SLIT2: variants seen among roughly 807,000 people sequenced by gnomAD.
The protein encoded by SLIT2 is slit guidance ligand 2.
In SLIT2, 41 loss-of-function variants were observed where a neutral mutation model predicts 185.7. That is an observed-to-expected ratio of 0.22 (90% CI 0.17 to 0.29). SLIT2 has a LOEUF of 0.29. Ranked by LOEUF, SLIT2 falls within the 10% of genes least tolerant of loss-of-function variation. The pLI is 1.00. For missense variants in SLIT2, 1,571 were observed against 1,909.0 expected (o/e 0.82, Z 3.30); for synonymous variants, 693 against 680.2 (o/e 1.02, Z -0.29).
Position 20,491,809 on chromosome 4 carries a change from C to T in SLIT2, c.824C>T (p.Ala275Val). The T allele has an allele frequency of 6.2e-7, 1 of 1,613,786 alleles. No homozygotes were observed. The highest frequency in any genetic ancestry group is 8.5e-7 in the Non-Finnish European group (1 of 1,179,754). The stretch of plus-strand genomic sequence containing the variant: ...TCTTGTAGTGTTTTGCACTGCCCTG[C>T]CGCCTGTACCTGTAGCAACAATATC... ...APSCSVLHCP[A>V]ACTCSNNIVD... Residue 275 changes from alanine to valine, a missense_variant, in exon 9 of 37, where the codon GCC (alanine) becomes GTC (valine). Physicochemically the swap from Ala to Val is moderately conservative, Grantham distance 64. Transcript: ENST00000504154.
chr4:20,366,864 C>T (rs529743540), intron 4 of SLIT2, among the ~76,000 whole-genome samples: 4 of 152,088 alleles, frequency 2.6e-5, no homozygotes, highest in East Asian at 1.9e-4. Context: ...GTGCTATGAT[C>T]GCAGCTCACT....
intron 31 of SLIT2, 112 bp downstream of exon 31, chr4:20,595,946 T>C: frequency 2.2e-6 from 2 of 914,260 alleles, no homozygotes; most frequent in Non-Finnish European, 1.6e-6. Context: ...AGAGTATAAC[T>C]GGATTGTTTG....
chr4:20,440,530 A>G (rs1332283514), intron 4 of SLIT2, among the ~76,000 whole-genome samples: 1 of 150,880 alleles, frequency 6.6e-6, no homozygotes, highest in African/African-American at 2.4e-5. Flanking sequence ...ATACGGCCCT[A>G]AAAAAAAAGC....
intron 4 of SLIT2, among the ~76,000 whole-genome samples, chr4:20,416,069 A>T (rs1197410782): frequency 6.6e-6 from 1 of 152,162 alleles, no homozygotes; most frequent in Non-Finnish European, 1.5e-5. Context: ...TATGTGTATA[A>T]ATCTTTGGAA....
chr4:20,404,569 A>G (rs1050543300), intron 4 of SLIT2, among the ~76,000 whole-genome samples: 3 of 151,964 alleles, frequency 2.0e-5, no homozygotes, highest in African/African-American at 7.2e-5. Flanking sequence ...TGTATTTCCT[A>G]ATAATCCAGT....
chr4:20,520,105 G>A (rs1337000308), intron 12 of SLIT2, among the ~76,000 whole-genome samples: 1 of 150,928 alleles, frequency 6.6e-6, no homozygotes, highest in Non-Finnish European at 1.5e-5. Flanking sequence ...ATCTGCAGGA[G>A]CGACAGTGCT....
intron 4 of SLIT2, among the ~76,000 whole-genome samples, chr4:20,446,368 A>G (rs1236131479): frequency 6.6e-6 from 1 of 152,206 alleles, no homozygotes; most frequent in Non-Finnish European, 1.5e-5. Flanking sequence ...ACTTCCACAT[A>G]AAAATGGGGA....
intron 4 of SLIT2, among the ~76,000 whole-genome samples, chr4:20,455,897 C>A (rs1713010985): frequency 1.3e-5 from 2 of 152,000 alleles, no homozygotes; most frequent in Admixed American, 1.3e-4. Context: ...TTTATGAAGT[C>A]TTTATTTCTA....
chr4:20,522,528 G>C (rs576694042), intron 12 of SLIT2, among the ~76,000 whole-genome samples: 19 of 152,228 alleles, frequency 1.2e-4, no homozygotes, highest in African/African-American at 4.6e-4. Context: ...ACTCTGTTGG[G>C]TGAAAGTTGA....
At chr4:20,544,151 T>C (rs1285494261) in intron 21 of SLIT2, among the ~76,000 whole-genome samples, 1 of 152,060 alleles carries the variant, frequency 6.6e-6, no homozygotes, top group Non-Finnish European at 1.5e-5. Context: ...TGTGCACATG[T>C]ACCCTAGAAT....
At chr4:20,260,199 T>C (rs930623994) in intron 3 of SLIT2, among the ~76,000 whole-genome samples, 22 of 151,816 alleles carry the variant, frequency 1.4e-4, no homozygotes, top group Admixed American at 1.2e-3. Flanking sequence ...GTGGTATATA[T>C]CTTTATTTTA....
intron 34 of SLIT2, among the ~76,000 whole-genome samples, chr4:20,614,388 C>T (rs765748884): frequency 9.9e-5 from 15 of 152,056 alleles, no homozygotes; most frequent in Admixed American, 8.5e-4. Flanking sequence ...AGGCTAAAAG[C>T]TGTTTGCTAA....
At chr4:20,312,788 AAAAAAG>A (rs1283510120) in intron 4 of SLIT2, among the ~76,000 whole-genome samples, 18 of 148,680 alleles carry the variant, frequency 1.2e-4, no homozygotes, top group Admixed American at 8.1e-4. Context: ...AAAAAAAAAA[AAAAAAG>A]AAAGAAAAGA....
intron 4 of SLIT2, among the ~76,000 whole-genome samples, chr4:20,275,006 T>G (rs1714020513): frequency 2.0e-5 from 3 of 152,168 alleles, no homozygotes. Flanking sequence ...TATGTGAATT[T>G]CAGTCTATCA....
chr4:20,527,576 C>G (rs1237782515), intron 15 of SLIT2, among the ~76,000 whole-genome samples: 1 of 152,160 alleles, frequency 6.6e-6, no homozygotes, highest in Non-Finnish European at 1.5e-5. Flanking sequence ...TGAGCCACCA[C>G]ACCCGGCCTT....
At chr4:20,581,429 ACAC>A (rs1335832392) in intron 29 of SLIT2, among the ~76,000 whole-genome samples, 1 of 152,174 alleles carries the variant, frequency 6.6e-6, no homozygotes, top group Non-Finnish European at 1.5e-5. Context: ...TGAATCCTCA[ACAC>A]CACATCACTG....
rs374191909 is a variant in SLIT2 at position 20,524,196 on chromosome 4, A to G, written c.1438+19A>G. 3.1e-6 allele frequency: 5 copies of G among 1,612,440 alleles called. No individual in the cohort carries two copies. The highest frequency in any genetic ancestry group is 1.3e-5 in the African/African-American group (1 of 75,028). On this transcript the variant is annotated intron_variant, in intron 14 of 36. Transcript: ENST00000504154. ...TGTTCAGGTAATTTCTTCACGTGTTATTTCCCCTGTGACCAACAACAATGG... is the reference window on the plus strand; with the variant it reads ...TGTTCAGGTAATTTCTTCACGTGTTGTTTCCCCTGTGACCAACAACAATGG...
intron 18 of SLIT2, among the ~76,000 whole-genome samples, chr4:20,539,182 C>G (rs1722580487): frequency 6.6e-6 from 1 of 152,174 alleles, no homozygotes; most frequent in Admixed American, 6.5e-5. Flanking sequence ...AAACATTCTT[C>G]CCTCATCATG....
intron 4 of SLIT2, among the ~76,000 whole-genome samples, chr4:20,428,121 T>C (rs1457992050): frequency 6.6e-6 from 1 of 152,260 alleles, no homozygotes; most frequent in African/African-American, 2.4e-5. Context: ...CTTAATGTCA[T>C]GTGTTTGATC....
Sources: gnomAD v4.1 joint callset for allele counts (sites outside exome capture counted in the v4.1 genomes callset) on GRCh38, gnomAD v4.1.1 for gene constraint, MANE v1.5 for transcripts, NCBI Gene and HGNC (gene_info 2026-07-23, HGNC 2026-07-21) for gene names.